The following EYS variants were observed in gnomAD, a reference collection of about 807,000 sequenced individuals.
The protein encoded by EYS is EGF-like photoreceptor maintenance factor.
A neutral mutation model predicts 282.1 loss-of-function variants in EYS; 250 were observed. That is an observed-to-expected ratio of 0.89 (90% CI 0.80 to 0.98). The LOEUF (loss-of-function observed/expected upper bound fraction) is 0.98. EYS is among the 50% of genes least tolerant of loss of function. The pLI is 0.00. For synonymous variants in EYS, 1,355 were observed against 1,282.9 expected, an observed-to-expected ratio of 1.06 and a Z score of -1.20; for missense variants, 4,016 against 3,709.0, an observed-to-expected ratio of 1.08 and a Z score of -2.15.
chr6:64,997,472 G>T, intron 14 of EYS, 110 bp downstream of exon 14: 2 of 974,486 alleles, frequency 2.1e-6, no homozygotes, highest in Admixed American at 5.9e-5. Flanking sequence ...GTAAGCATAT[G>T]TAATATATAT....
At chr6:65,529,767 A>G (rs1457272849) in intron 2 of EYS, among the ~76,000 whole-genome samples, 2 of 152,234 alleles carry the variant, frequency 1.3e-5, no homozygotes, top group East Asian at 3.9e-4. Context: ...CATGAATGGG[A>G]TTAATGCCTT....
In EYS at chr6:65,338,293, T is replaced by TTACACATATAATTTA. The variant is rs201784119; in HGVS notation, c.1600-3148_1600-3147insTAAATTATATGTGTA. On this transcript the variant is annotated intron_variant, in intron 10 of 42. Coordinates refer to ENST00000503581, the MANE Select transcript of EYS (RefSeq NM_001142800.2). ...TTCTATAAAATTTACACATAAGAAG[T>TTACACATATAATTTA]CTCTCAGAAAAATTAGCAAGAGAGT... is the stretch of plus-strand genomic sequence containing the variant. Among the ~76,000 whole-genome samples, 1,391 of 151,124 alleles carry TTACACATATAATTTA rather than the reference T, an allele frequency of 9.2e-3. 25 individuals carry two copies. The highest frequency in any genetic ancestry group is 0.031 in the African/African-American group (1,303 of 41,410).
At chr6:64,038,164 A>T (rs1253826183) in intron 33 of EYS, among the ~76,000 whole-genome samples, 1 of 151,040 alleles carries the variant, frequency 6.6e-6, no homozygotes, top group Non-Finnish European at 1.5e-5. Context: ...GGGGATGTGG[A>T]TTGGGGGATG....
chr6:65,220,692 A>G (rs539542377), intron 12 of EYS, among the ~76,000 whole-genome samples: 1 of 152,254 alleles, frequency 6.6e-6, no homozygotes, highest in East Asian at 1.9e-4. Context: ...AAAATATGGA[A>G]GTGACTTTGG....
chr6:65,404,571 T>C (rs1187797943), intron 6 of EYS, among the ~76,000 whole-genome samples: 2 of 151,958 alleles, frequency 1.3e-5, no homozygotes, highest in African/African-American at 2.4e-5. Context: ...TCTTTGTATA[T>C]TGTAGAAGAA....
At chr6:65,262,509 A>C (rs533934880) in intron 12 of EYS, among the ~76,000 whole-genome samples, 1 of 151,282 alleles carries the variant, frequency 6.6e-6, no homozygotes, top group African/African-American at 2.5e-5. Flanking sequence ...TGTAATTATC[A>C]CTGGGTAACT....
intron 31 of EYS, among the ~76,000 whole-genome samples, chr6:64,157,654 T>G (rs1774974584): frequency 6.6e-6 from 1 of 152,136 alleles, no homozygotes; most frequent in African/African-American, 2.4e-5. Context: ...AACATAGAGC[T>G]TGGGCCATGG....
intron 37 of EYS, among the ~76,000 whole-genome samples, chr6:63,803,984 C>T (rs1770841298): frequency 6.6e-6 from 1 of 152,072 alleles, no homozygotes; most frequent in Non-Finnish European, 1.5e-5. Flanking sequence ...AGAAAAGATA[C>T]ACTACCGTGT....
intron 2 of EYS, among the ~76,000 whole-genome samples, chr6:65,623,501 C>T (rs9345658): frequency 0.031 from 4,642 of 151,748 alleles, 292 homozygotes; most frequent in East Asian, 0.29. Flanking sequence ...TAAAGGACAG[C>T]TGAGATAAAT....
intron 31 of EYS, among the ~76,000 whole-genome samples, chr6:64,121,654 C>A (rs9450852): frequency 6.6e-6 from 1 of 152,184 alleles, no homozygotes; most frequent in Non-Finnish European, 1.5e-5. Flanking sequence ...GAGCTATAGT[C>A]TCCTATCTCT....
chr6:65,224,697 T>C lies in EYS; in HGVS notation c.2023+71166A>G, dbSNP rs1766572635. Among the ~76,000 whole-genome samples the C allele has an allele frequency of 3.3e-5, 5 of 152,048 alleles. No individual in the cohort carries two copies. The South Asian group carries it at 1.0e-3, about 32-fold the overall frequency. ...GAGAGAATACTCAAATCACTAAAATTAGAAATGAAATTGCAGATGGGGACA... is the reference window on the plus strand; with the variant it reads ...GAGAGAATACTCAAATCACTAAAATCAGAAATGAAATTGCAGATGGGGACA... On this transcript the variant is annotated intron_variant, in intron 12 of 42. Transcript: ENST00000503581.
chr6:65,665,913 G>T (rs1768182157), intron 1 of EYS, among the ~76,000 whole-genome samples: 1 of 151,936 alleles, frequency 6.6e-6, no homozygotes, highest in African/African-American at 2.4e-5. Context: ...TACACTCCCA[G>T]TTATTTGTGT....
intron 22 of EYS, among the ~76,000 whole-genome samples, chr6:64,781,078 T>C (rs1773843144): frequency 6.6e-6 from 1 of 151,964 alleles, no homozygotes; most frequent in South Asian, 2.1e-4. Context: ...TTAGAATCCT[T>C]GTCTGTCACA....
chr6:65,444,760 G>A (rs1400357811), intron 5 of EYS, among the ~76,000 whole-genome samples: 1 of 151,950 alleles, frequency 6.6e-6, no homozygotes, highest in Non-Finnish European at 1.5e-5. Flanking sequence ...TTCTTCTATA[G>A]AGCCTAACAG....
chr6:65,318,159 G>A (rs189958360), intron 11 of EYS, among the ~76,000 whole-genome samples: 2,402 of 135,944 alleles, frequency 0.018, 54 homozygotes, highest in African/African-American at 0.062. Flanking sequence ...GAGCCACCGC[G>A]CCCGGCTGGA....
intron 2 of EYS, among the ~76,000 whole-genome samples, chr6:65,593,541 C>T (rs1187656799): frequency 1.3e-5 from 2 of 151,988 alleles, no homozygotes; most frequent in South Asian, 2.1e-4. Flanking sequence ...TTGGATGGGG[C>T]CAGAATGTTT....
chr6:64,442,758 C>T (rs1312025696), intron 26 of EYS, among the ~76,000 whole-genome samples: 2 of 152,196 alleles, frequency 1.3e-5, no homozygotes, highest in African/African-American at 2.4e-5. Context: ...GTTGAGCCTG[C>T]AGGTGCACAG....
intron 28 of EYS, among the ~76,000 whole-genome samples, chr6:64,413,496 A>G (rs899631853): frequency 6.6e-6 from 1 of 151,498 alleles, no homozygotes; most frequent in Non-Finnish European, 1.5e-5. Context: ...TAATATCCTC[A>G]GGGAGAAAAC....
chr6:64,626,618 A>G (rs749016099), intron 22 of EYS, among the ~76,000 whole-genome samples: 21 of 152,184 alleles, frequency 1.4e-4, no homozygotes, highest in African/African-American at 3.1e-4. Flanking sequence ...GATTAACATT[A>G]TGCAGCCCTA....
Sources: allele counts gnomAD v4.1 joint callset (sites outside exome capture counted in the v4.1 genomes callset), GRCh38; gene constraint gnomAD v4.1.1; transcripts MANE v1.5; gene names NCBI Gene and HGNC (gene_info 2026-07-23, HGNC 2026-07-21).